Variants in NBPF8 observed in about 807,000 individuals in gnomAD.
NBPF8 encodes the protein NBPF family member NBPF8.
At chr1:120,450,053 C>T (rs1661219202) in intron 11 of NBPF8, among the ~76,000 whole-genome samples, 2 of 151,898 alleles carry the variant, frequency 1.3e-5, no homozygotes, top group Non-Finnish European at 2.9e-5. Flanking sequence ...ATGGAGAAAC[C>T]CCATCTTCAC....
At chr1:120,431,081 A>G in intron 3 of NBPF8, among the ~76,000 whole-genome samples, 1 of 148,732 alleles carries the variant, frequency 6.7e-6, no homozygotes, top group Non-Finnish European at 1.5e-5. Flanking sequence ...TTCACTACCT[A>G]TTTCCAGAAT....
At position 120,430,475 on chromosome 1, in the gene NBPF8, C is replaced by T. The variant is rs1269263549; in HGVS notation, n.510+2628C>T. 4.1e-4 allele frequency among the ~76,000 whole-genome samples: 45 copies of T among 108,476 alleles called. 14 individuals carry two copies. The highest frequency in any genetic ancestry group is 9.4e-4 in the African/African-American group (19 of 20,124). The allele number at this position is 108,476 out of a possible 152,430, so 71.2% of individuals were successfully genotyped here. A position where few individuals can be genotyped will look rare whatever the true frequency, so the allele number is the denominator to read the frequency against. On this transcript the variant is annotated intron_variant and non_coding_transcript_variant, in intron 3 of 28. Coordinates refer to the NBPF8 transcript ENST00000652355. ...TGTGCTTATAAACAAATTCAACAGA[C>T]GGGGCACCGTGGCTCACACCTGTAA...
intron 16 of NBPF8, among the ~76,000 whole-genome samples, chr1:120,457,225 A>AC (rs1372249472): frequency 1.2e-4 from 16 of 136,786 alleles, no homozygotes; most frequent in African/African-American, 4.3e-4. Context: ...CCATCCCATT[A>AC]CTGGGTGTAT....
chr1:120,468,397 TTAA>T (rs1661808189), downstream of NBPF8, among the ~76,000 whole-genome samples: 1 of 148,010 alleles, frequency 6.8e-6, no homozygotes, highest in Non-Finnish European at 1.5e-5. Flanking sequence ...TTTAGCATGT[TTAA>T]TAATCTTTTC....
At chr1:120,463,105 T>A (rs1261491984) in intron 21 of NBPF8, 139 bp downstream of exon 19, 39 of 700,348 alleles carry the variant, frequency 5.6e-5, no homozygotes, top group Admixed American at 2.2e-4. Context: ...TAGGTTGTAA[T>A]GAGACTGTAG....
chr1:120,466,299 G>C, exon 25 of NBPF8: 2 of 1,570,472 alleles, frequency 1.3e-6, no homozygotes, highest in Non-Finnish European at 1.7e-6. Flanking sequence ...TGAAACTATA[G>C]TTCCATTTGG....
intron 1 of NBPF8, among the ~76,000 whole-genome samples, chr1:120,425,568 C>G (rs1184352490): frequency 3.9e-5 from 6 of 152,180 alleles, no homozygotes; most frequent in African/African-American, 1.4e-4. Context: ...AACTCAGAGG[C>G]CAGTGCCAGC....
At chr1:120,462,563 G>T (rs1377594169) in intron 20 of NBPF8, among the ~76,000 whole-genome samples, 1 of 106,804 alleles carries the variant, frequency 9.4e-6, no homozygotes, top group African/African-American at 3.6e-5. Flanking sequence ...CGGCCAATTC[G>T]CTGAGCTCAC....
chr1:120,418,740 G>A (rs1279537184), upstream of NBPF8, among the ~76,000 whole-genome samples: 30 of 131,190 alleles, frequency 2.3e-4, 1 homozygote, highest in South Asian at 5.8e-3. Flanking sequence ...TGTAGATAGG[G>A]TTTTCCTGTA....
chr1:120,450,279 C>T (rs1454254593), intron 11 of NBPF8, among the ~76,000 whole-genome samples: 28,701 of 151,824 alleles, frequency 0.19, 3,308 homozygotes, highest in Non-Finnish European at 0.26. Flanking sequence ...CAGAGAGTAG[C>T]TTGGTGAGAG....
exon 25 of NBPF8, chr1:120,466,256 C>G: frequency 6.2e-7 from 1 of 1,604,736 alleles, no homozygotes; most frequent in Non-Finnish European, 8.5e-7. Context: ...GTCATTCCTG[C>G]AGGCAGGACC....
chr1:120,461,427 G>T lies in NBPF8; in HGVS notation n.3009+1G>T. ...GTTGGCTTGGCTGTTGACATGGATG[G>T]TGAGTACCTTTCTATGAAGGTGATA... On this transcript the variant is annotated splice_donor_variant and non_coding_transcript_variant, in intron 19 of 24. Transcript: ENST00000583271. The T allele has an allele frequency of 1.3e-6, 1 of 760,298 alleles. No homozygotes were observed. The highest frequency in any genetic ancestry group is 3.3e-5 in the East Asian group (1 of 30,378). 47.1% of individuals were successfully genotyped at this position (760,298 alleles called of 1,614,324 possible). A position where few individuals can be genotyped will look rare whatever the true frequency, so the allele number is the denominator to read the frequency against.
chr1:120,429,090 T>C (rs1660798773), intron 3 of NBPF8, among the ~76,000 whole-genome samples: 1 of 152,228 alleles, frequency 6.6e-6, no homozygotes, highest in Non-Finnish European at 1.5e-5. Flanking sequence ...CTAGAATGCA[T>C]CCCTGGCTCC....
intron 11 of NBPF8, among the ~76,000 whole-genome samples, chr1:120,449,953 G>T (rs587676123): frequency 6.6e-6 from 1 of 152,072 alleles, no homozygotes; most frequent in East Asian, 1.9e-4. Context: ...TAGGGGCCGT[G>T]CATGGTGGCT....
chr1:120,416,079 T>A (rs1334354512), upstream of NBPF8, among the ~76,000 whole-genome samples: 3 of 152,306 alleles, frequency 2.0e-5, no homozygotes, highest in East Asian at 5.8e-4. Context: ...AAAGAATGAA[T>A]CCCAGTGCTT....
intron 17 of NBPF8, among the ~76,000 whole-genome samples, chr1:120,460,346 G>A (rs1553250110): frequency 6.6e-6 from 1 of 152,044 alleles, no homozygotes; most frequent in Non-Finnish European, 1.5e-5. Context: ...AGAGCACATA[G>A]GGAAGATAAC....
chr1:120,450,206 G>A (rs1199925760), intron 11 of NBPF8, among the ~76,000 whole-genome samples: 5,236 of 152,110 alleles, frequency 0.034, 320 homozygotes, highest in African/African-American at 0.12. Flanking sequence ...CAGCCTGGGC[G>A]ACAGGGCAAG....
intron 3 of NBPF8, among the ~76,000 whole-genome samples, chr1:120,430,752 CA>C (rs1160946903): frequency 0.029 from 1,197 of 41,246 alleles, 7 homozygotes; most frequent in African/African-American, 0.089. Flanking sequence ...GACTCTGTCT[CA>C]AAAAAAAAAA....
chr1:120,457,131 G>A (rs1317785017), intron 16 of NBPF8, among the ~76,000 whole-genome samples: 1 of 151,710 alleles, frequency 6.6e-6, no homozygotes, highest in African/African-American at 2.4e-5. Flanking sequence ...CACTGTTGGT[G>A]GGACTGTAAA....
Sources: allele counts gnomAD v4.1 joint callset (sites outside exome capture counted in the v4.1 genomes callset), GRCh38; gene constraint gnomAD v4.1.1; transcripts MANE v1.5; gene names NCBI Gene and HGNC (gene_info 2026-07-23, HGNC 2026-07-21).